Variants in WDR25 observed in about 807,000 individuals in gnomAD.
WDR25 encodes the protein WD repeat-containing protein 25.
A neutral mutation model predicts 47.7 loss-of-function variants in WDR25; 35 were observed. That is an observed-to-expected ratio of 0.73 (90% CI 0.56 to 0.97). WDR25 has a LOEUF of 0.97. Among genes scored for constraint, WDR25 ranks in the 50% least tolerant of loss-of-function variants. The pLI is 0.00. For missense variants in WDR25, 634 were observed against 704.7 expected (o/e 0.90, Z 1.14); for synonymous variants, 248 against 278.9 (o/e 0.89, Z 1.10).
At position 100,380,898 on chromosome 14, in the gene WDR25, G is replaced by A; in HGVS notation, c.-15-12G>A. The A allele has an allele frequency of 6.3e-7, 1 of 1,599,828 alleles. No homozygotes were observed. The highest frequency in any genetic ancestry group is 1.1e-5 in the South Asian group (1 of 90,100). On this transcript the variant is annotated splice_polypyrimidine_tract_variant and intron_variant, in intron 1 of 6. Transcript: ENST00000402312. ...TGCACATTTTCTGACGGTTGACCTT[G>A]TTTGATCTTAGGTGGTTTGGCTTTG...
chr14:100,402,772 G>A (rs995807196), intron 2 of WDR25, among the ~76,000 whole-genome samples: 13 of 152,144 alleles, frequency 8.5e-5, no homozygotes, highest in African/African-American at 2.4e-4. Context: ...ATTCTGAATC[G>A]GTTTTCTCTC....
Position 100,529,265 on chromosome 14 carries a change from C to T in WDR25, c.1413+57C>T. 1 of 1,606,304 alleles carries T rather than the reference C, an allele frequency of 6.2e-7. No homozygotes were observed. Among genetic ancestry groups the T allele is most frequent in the East Asian group, 2.2e-5 (1 of 44,714 alleles). ...TGAGCCCCAGCCCCAAGCCTCCTGG[C>T]AGTCCTGGACATGGGCCCTGGGGTG... is the stretch of plus-strand genomic sequence containing the variant. On this transcript the variant is annotated intron_variant, in intron 6 of 6. Coordinates refer to ENST00000402312, the MANE Select transcript of WDR25 (RefSeq NM_001161476.3). The surrounding 1 kb of genome is among the most constrained non-coding windows in gnomAD (Gnocchi z 5.1).
chr14:100,437,467 A>G (rs1447750425), intron 2 of WDR25, among the ~76,000 whole-genome samples: 1 of 151,990 alleles, frequency 6.6e-6, no homozygotes, highest in Non-Finnish European at 1.5e-5. Flanking sequence ...CTCATACCTT[A>G]GCTTTGGCAC....
chr14:100,497,669 G>A (rs1321753043), intron 4 of WDR25, among the ~76,000 whole-genome samples: 2 of 152,114 alleles, frequency 1.3e-5, no homozygotes, highest in African/African-American at 4.8e-5. Flanking sequence ...TGCAGGAGGT[G>A]TGCTCCAATT....
intron 2 of WDR25, among the ~76,000 whole-genome samples, chr14:100,441,925 A>G (rs972595213): frequency 6.6e-6 from 1 of 152,014 alleles, no homozygotes; most frequent in African/African-American, 2.4e-5. Flanking sequence ...TTCCCATTTT[A>G]TAGCTGAGAA....
chr14:100,440,513 C>CA lies in WDR25; in HGVS notation c.823-27507dup, dbSNP rs1898636711. Among the ~76,000 whole-genome samples the CA allele has an allele frequency of 6.6e-6, 1 of 152,228 alleles. No individual in the cohort carries two copies. The highest frequency in any genetic ancestry group is 1.5e-5 in the Non-Finnish European group (1 of 68,034). On this transcript the variant is annotated intron_variant, in intron 2 of 6. Coordinates refer to ENST00000402312, the MANE Select transcript of WDR25 (RefSeq NM_001161476.3). This position sits in a 1 kb window ranked among gnomAD's most constrained non-coding sequence, Gnocchi z 4.4. ...GGAGGGGCTGGCCGTCATGATTCAG[C>CA]ATGCTAGCTCTCTGGAGGCTGTGCT... is the stretch of plus-strand genomic sequence containing the variant.
intron 4 of WDR25, among the ~76,000 whole-genome samples, chr14:100,518,097 A>G (rs753730470): frequency 6.6e-6 from 1 of 152,196 alleles, no homozygotes; most frequent in African/African-American, 2.4e-5. Flanking sequence ...TGAAGCTCCA[A>G]GTTTTCCTCT....
chr14:100,405,965 C>G (rs1897525952), intron 2 of WDR25, among the ~76,000 whole-genome samples: 1 of 152,178 alleles, frequency 6.6e-6, no homozygotes, highest in African/African-American at 2.4e-5. Flanking sequence ...CAATCCGTTT[C>G]TTGACTTTTG....
intron 2 of WDR25, among the ~76,000 whole-genome samples, chr14:100,416,704 C>T (rs1897879402): frequency 6.6e-6 from 1 of 152,200 alleles, no homozygotes; most frequent in Non-Finnish European, 1.5e-5. Context: ...GCTGTAGCAC[C>T]ATGTGCACCT....
intron 2 of WDR25, among the ~76,000 whole-genome samples, chr14:100,442,916 A>G (rs1269337919): frequency 6.6e-6 from 1 of 152,242 alleles, no homozygotes; most frequent in Non-Finnish European, 1.5e-5. Context: ...GGATTTATGG[A>G]AACATTCATG....
At chr14:100,501,788 T>C (rs931309589) in intron 4 of WDR25, among the ~76,000 whole-genome samples, 4 of 152,196 alleles carry the variant, frequency 2.6e-5, no homozygotes, top group African/African-American at 9.7e-5. Flanking sequence ...CCCTTCCTGA[T>C]GGATGGAGAA....
rs141589653 is a variant in WDR25, at chr14:100,389,905, C to T, written c.822+8159C>T. Among the ~76,000 whole-genome samples, 67 of 152,318 alleles carry T rather than the reference C, an allele frequency of 4.4e-4. 1 individual carries two copies. The East Asian group carries it at 0.013, about 29-fold the overall frequency. ...TGAGCGGCACCCTCTGGGGCTGCTGCTGCTGAAGGTCGTTGACTTTGCAAC... is the reference window on the plus strand; with the variant it reads ...TGAGCGGCACCCTCTGGGGCTGCTGTTGCTGAAGGTCGTTGACTTTGCAAC... On this transcript the variant is annotated intron_variant, in intron 2 of 6. Transcript: ENST00000402312.
chr14:100,417,813 T>C (rs1387890605), intron 2 of WDR25, among the ~76,000 whole-genome samples: 3 of 152,208 alleles, frequency 2.0e-5, no homozygotes, highest in Non-Finnish European at 2.9e-5. Context: ...GAGCTGTTCC[T>C]AGCCTTCCAT....
chr14:100,463,151 C>T (rs1207796309), intron 2 of WDR25, among the ~76,000 whole-genome samples: 2 of 151,100 alleles, frequency 1.3e-5, no homozygotes, highest in Non-Finnish European at 3.0e-5. Context: ...TCTCCTCTCC[C>T]CAATTCCTCC....
In WDR25 at chr14:100,448,419, GTGGTGA is replaced by G. The variant is rs1226241437; in HGVS notation, c.823-19601_823-19596del. 1.5e-3 allele frequency among the ~76,000 whole-genome samples: 230 copies of G among 152,244 alleles called. 3 individuals are homozygous for G. Among genetic ancestry groups the G allele is most frequent in the African/African-American group, 5.3e-3 (221 of 41,546 alleles). ...TTCAGCATCTTACCCGTTGCCCAGG[GTGGTGA>G]CACCTGGGCCCCAGGTGAGAAGCGC... On this transcript the variant is annotated intron_variant, in intron 2 of 6. Coordinates refer to ENST00000402312, the MANE Select transcript of WDR25 (RefSeq NM_001161476.3).
chr14:100,403,474 C>T (rs1238410271), intron 2 of WDR25, among the ~76,000 whole-genome samples: 1 of 152,206 alleles, frequency 6.6e-6, no homozygotes, highest in Admixed American at 6.5e-5. Flanking sequence ...TCTTTCTACC[C>T]TAGGTCTGGG....
chr14:100,396,742 G>T (rs1229676320), intron 2 of WDR25, among the ~76,000 whole-genome samples: 1 of 152,220 alleles, frequency 6.6e-6, no homozygotes, highest in Non-Finnish European at 1.5e-5. Flanking sequence ...CTAAGGAGAG[G>T]TCACATGTTC....
chr14:100,513,674 A>G (rs981477883), intron 4 of WDR25, among the ~76,000 whole-genome samples: 1 of 149,160 alleles, frequency 6.7e-6, no homozygotes, highest in Non-Finnish European at 1.5e-5. Flanking sequence ...TTCTTTTATC[A>G]TTGTGAAAGG....
At chr14:100,490,166 T>C (rs1160930132) in intron 4 of WDR25, among the ~76,000 whole-genome samples, 1 of 152,132 alleles carries the variant, frequency 6.6e-6, no homozygotes, top group African/African-American at 2.4e-5. Context: ...CTTCCTATGA[T>C]CCTAGCCCAT....
Sources: gnomAD v4.1 joint callset for allele counts (sites outside exome capture counted in the v4.1 genomes callset) on GRCh38, gnomAD v4.1.1 for gene constraint, Gnocchi (gnomAD v3.1) non-coding constraint, MANE v1.5 for transcripts, NCBI Gene and HGNC (gene_info 2026-07-23, HGNC 2026-07-21) for gene names.